Variants in PTBP3 observed in about 807,000 individuals in gnomAD.
PTBP3 encodes the protein polypyrimidine tract binding protein 3.
A neutral mutation model predicts 58.7 loss-of-function variants in PTBP3; 20 were observed. The ratio of observed to expected loss-of-function variants is 0.34; its 90% CI spans 0.24 to 0.50. PTBP3 has a LOEUF of 0.50. PTBP3 is among the 20% of genes least tolerant of loss of function. The pLI is 0.98. For missense variants in PTBP3, 509 were observed against 637.2 expected, an observed-to-expected ratio of 0.80 and a Z score of 2.17; for synonymous variants, 185 against 219.8, an observed-to-expected ratio of 0.84 and a Z score of 1.40.
chr9:112,259,305 T>C (rs1836497574), intron 5 of PTBP3, among the ~76,000 whole-genome samples: 1 of 152,138 alleles, frequency 6.6e-6, no homozygotes, highest in Admixed American at 6.6e-5. Flanking sequence ...ATAAATGATA[T>C]AATCTCACTG....
At chr9:112,374,451 G>A in the PTBP3 span, among the ~76,000 whole-genome samples, 1 of 152,134 alleles carries the variant, frequency 6.6e-6, no homozygotes, top group South Asian at 2.1e-4. Flanking sequence ...CATGAATCCT[G>A]GCTATGGGAG....
chr9:112,248,229 A>G (rs1835963537), intron 7 of PTBP3, among the ~76,000 whole-genome samples: 1 of 152,230 alleles, frequency 6.6e-6, no homozygotes, highest in Admixed American at 6.5e-5. Context: ...ACGTAAAAGT[A>G]TCATTAAGAG....
At chr9:112,364,881 T>C in the PTBP3 span, among the ~76,000 whole-genome samples, 2 of 152,180 alleles carry the variant, frequency 1.3e-5, no homozygotes, top group Non-Finnish European at 2.9e-5. Flanking sequence ...ATATTAGATT[T>C]CCAGAACTTA....
intron 2 of PTBP3, among the ~76,000 whole-genome samples, chr9:112,279,700 C>T (rs1827773996): frequency 6.6e-6 from 1 of 152,104 alleles, no homozygotes; most frequent in Non-Finnish European, 1.5e-5. Flanking sequence ...AGCTTTATCA[C>T]CATTCTTGAA....
chr9:112,358,462 G>A, the PTBP3 span, among the ~76,000 whole-genome samples: 6 of 152,204 alleles, frequency 3.9e-5, no homozygotes, highest in African/African-American at 1.2e-4. Context: ...TGCCACGGCT[G>A]AGAAATCCTG....
In PTBP3 at chr9:112,228,268, AAGG is replaced by A. The variant is rs1465655708; in HGVS notation, c.1147+109_1147+111del. ...CAAATAATAATGAAGGCATTATCAC[AAGG>A]AGGTGTTCTTTTGTAAAATCATATT... is the stretch of plus-strand genomic sequence containing the variant. On this transcript the variant is annotated intron_variant, in intron 11 of 13. Coordinates refer to ENST00000374257, the MANE Select transcript of PTBP3 (RefSeq NM_001163788.4). 9.0e-6 allele frequency: 6 copies of A among 664,004 alleles called. No homozygotes were observed. In the Admixed American group the frequency reaches 1.4e-4, roughly 15 times the overall value. The allele number at this position is 664,004 out of a possible 1,614,324, so 41.1% of individuals were successfully genotyped here.
At chr9:112,364,670 T>G in the PTBP3 span, among the ~76,000 whole-genome samples, 1 of 152,108 alleles carries the variant, frequency 6.6e-6, no homozygotes, top group Non-Finnish European at 1.5e-5. Flanking sequence ...AAAGAAATAT[T>G]GTGAGAATTA....
At chr9:112,253,991 G>A (rs952949177) in intron 5 of PTBP3, among the ~76,000 whole-genome samples, 21 of 152,074 alleles carry the variant, frequency 1.4e-4, no homozygotes, top group African/African-American at 4.1e-4. Context: ...CTGCTTTTGA[G>A]ATTAAAAAAG....
intron 7 of PTBP3, among the ~76,000 whole-genome samples, chr9:112,240,066 G>C (rs1835594791): frequency 6.6e-6 from 1 of 152,066 alleles, no homozygotes; most frequent in South Asian, 2.1e-4. Context: ...AGGGATTTCA[G>C]TATTGAGGGG....
chr9:112,348,502 G>A, the PTBP3 span, among the ~76,000 whole-genome samples: 1 of 152,238 alleles, frequency 6.6e-6, no homozygotes, highest in African/African-American at 2.4e-5. Context: ...CACAAGTTCG[G>A]TAAACACACA....
rs1834712717 is a variant in PTBP3, at chr9:112,218,935, G to A, written c.*4916C>T. The A allele has an allele frequency of 6.6e-6, 1 of 152,334 alleles. No homozygotes were observed. Among genetic ancestry groups the A allele is most frequent in the South Asian group, 2.1e-4 (1 of 4,836 alleles). The allele number at this position is 152,334 out of a possible 1,614,324, so 9.4% of individuals were successfully genotyped here. A position where few individuals can be genotyped will look rare whatever the true frequency, so the allele number is the denominator to read the frequency against. On this transcript the variant is annotated 3_prime_UTR_variant, in exon 14 of 14. Coordinates refer to ENST00000374257, the MANE Select transcript of PTBP3 (RefSeq NM_001163788.4). ...CAGACCACGTAAAACACCAGACAATGTCAGAGGCTCCTAGCTGTGCTATTT... is the reference window on the plus strand; with the variant it reads ...CAGACCACGTAAAACACCAGACAATATCAGAGGCTCCTAGCTGTGCTATTT...
chr9:112,333,073 G>A (rs1166133260), intron 1 of PTBP3: 9 of 1,266,286 alleles, frequency 7.1e-6, no homozygotes, highest in Non-Finnish European at 8.9e-6. Flanking sequence ...CGCCCCGCGC[G>A]CCGCCTCCGC....
the PTBP3 span, among the ~76,000 whole-genome samples, chr9:112,355,973 C>T: frequency 1.1e-3 from 144 of 136,288 alleles, 1 homozygote; most frequent in African/African-American, 3.9e-3. Flanking sequence ...TCTCTTTCTC[C>T]TTCCTTCCTT....
At chr9:112,339,993 AT>A in the PTBP3 span, among the ~76,000 whole-genome samples, 2 of 151,822 alleles carry the variant, frequency 1.3e-5, no homozygotes, top group Admixed American at 1.3e-4. Context: ...GAGACAGGGT[AT>A]CGCTCTGTCA....
intron 1 of PTBP3, among the ~76,000 whole-genome samples, chr9:112,320,291 A>AAAAAAATATATATATATATAT (rs1411646280): frequency 4.1e-5 from 3 of 73,524 alleles, no homozygotes; most frequent in African/African-American, 1.8e-4. Context: ...AAAAAAAAAA[A>AAAAAAATATATATATATATAT]ATATATATAT....
chr9:112,305,796 C>T (rs912367129), intron 1 of PTBP3, among the ~76,000 whole-genome samples: 1 of 151,986 alleles, frequency 6.6e-6, no homozygotes, highest in African/African-American at 2.4e-5. Context: ...AAAAATGAGC[C>T]GGGCGTGGTG....
intron 3 of PTBP3, 87 bp from the exon 4 acceptor site, chr9:112,268,282 C>T (rs887512209): frequency 1.5e-6 from 2 of 1,331,252 alleles, no homozygotes; most frequent in Non-Finnish European, 2.0e-6. Flanking sequence ...TTGCTCTAAA[C>T]CCATGCACTC....
At chr9:112,353,471 C>T in the PTBP3 span, among the ~76,000 whole-genome samples, 240 of 148,422 alleles carry the variant, frequency 1.6e-3, 2 homozygotes, top group Middle Eastern at 0.014. Flanking sequence ...GTCTCAAACT[C>T]GTGACCTCAG....
chr9:112,248,943 G>A (rs763033349), intron 7 of PTBP3, among the ~76,000 whole-genome samples: 25 of 152,190 alleles, frequency 1.6e-4, no homozygotes, highest in African/African-American at 1.9e-4. Context: ...GAATGAATGA[G>A]CAACAGCCAC....
Sources: gnomAD v4.1 joint callset for allele counts (sites outside exome capture counted in the v4.1 genomes callset) on GRCh38, gnomAD v4.1.1 for gene constraint, MANE v1.5 for transcripts, NCBI Gene and HGNC (gene_info 2026-07-23, HGNC 2026-07-21) for gene names.